Variants in AKR1D1 observed in about 807,000 individuals in gnomAD.
The protein encoded by AKR1D1 is aldo-keto reductase family 1 member D1, also known as delta(4)-3-ketosteroid 5-beta-reductase.
In AKR1D1, 32 loss-of-function variants were observed where a neutral mutation model predicts 42.6. The ratio of observed to expected loss-of-function variants is 0.75; its 90% CI spans 0.57 to 1.01. The LOEUF (loss-of-function observed/expected upper bound fraction) is 1.01. Among genes scored for constraint, AKR1D1 ranks in the 50% least tolerant of loss-of-function variants. The pLI is 0.00. For missense variants in AKR1D1, 364 were observed against 402.2 expected, an observed-to-expected ratio of 0.91 and a Z score of 0.81; for synonymous variants, 123 against 135.5, an observed-to-expected ratio of 0.91 and a Z score of 0.64.
chr7:138,107,658 A>G, intron 7 of AKR1D1, 78 bp downstream of exon 7: 5 of 1,486,554 alleles, frequency 3.4e-6, no homozygotes, highest in Non-Finnish European at 4.7e-6. Flanking sequence ...GTTCAGCTTA[A>G]TAGGAAACCT....
rs752879811 is a variant in AKR1D1 at position 138,088,605 on chromosome 7, C to G, written c.98C>G (p.Pro33Arg). 3 of 1,614,148 alleles carry G rather than the reference C, an allele frequency of 1.9e-6. No individual in the cohort carries two copies. In the East Asian group the frequency reaches 6.7e-5, roughly 36 times the overall value. The change falls in exon 2 of 9, where the codon CCT (proline) becomes CGT (arginine). Residue 33 changes from proline to arginine, a missense_variant. Pro to Arg is a moderately radical substitution (Grantham distance 103). Transcript: ENST00000242375. ...LGTYSEPKST[P>R]KGACATSVKV... is the part of the protein sequence containing the mutation. Reference sequence around the variant, plus strand: ...CCAACCTCTTTGTCACTTCAGACCCCTAAGGGAGCCTGTGCAACATCGGTG... The same window carrying G: ...CCAACCTCTTTGTCACTTCAGACCCGTAAGGGAGCCTGTGCAACATCGGTG...
chr7:138,107,729 T>A (rs1025655482), intron 7 of AKR1D1, 149 bp downstream of exon 7: 2 of 795,904 alleles, frequency 2.5e-6, no homozygotes, highest in African/African-American at 3.5e-5. Flanking sequence ...ATATCTAGGT[T>A]TAATTTTCAT....
intron 1 of AKR1D1, among the ~76,000 whole-genome samples, chr7:138,080,161 A>C (rs1803023422): frequency 6.6e-6 from 1 of 152,142 alleles, no homozygotes; most frequent in African/African-American, 2.4e-5. Context: ...CTTCCTTCTT[A>C]ATGCTTTTCC....
At chr7:138,077,340 G>C (rs1218555268) in intron 1 of AKR1D1, among the ~76,000 whole-genome samples, 1 of 152,174 alleles carries the variant, frequency 6.6e-6, no homozygotes, top group Non-Finnish European at 1.5e-5. Flanking sequence ...GCAAGGAGAA[G>C]TGCTGAGCCA....
At chr7:138,081,768 G>A (rs1417705371) in intron 1 of AKR1D1, among the ~76,000 whole-genome samples, 1 of 151,976 alleles carries the variant, frequency 6.6e-6, no homozygotes, top group African/African-American at 2.4e-5. Context: ...TTTTAGTAGA[G>A]ACGGGGTTTC....
intron 7 of AKR1D1, among the ~76,000 whole-genome samples, chr7:138,112,545 A>C (rs1476041131): frequency 6.6e-6 from 1 of 152,154 alleles, no homozygotes. Flanking sequence ...TGGTCCAATT[A>C]CTGCATTTTC....
chr7:138,089,306 A>C (rs1794013999), intron 2 of AKR1D1, among the ~76,000 whole-genome samples: 1 of 151,988 alleles, frequency 6.6e-6, no homozygotes, highest in African/African-American at 2.4e-5. Context: ...AGTCATGTTC[A>C]TATCACTGCA....
intron 5 of AKR1D1, 62 bp downstream of exon 5, chr7:138,105,491 G>T: frequency 6.2e-7 from 1 of 1,608,548 alleles, no homozygotes; most frequent in Non-Finnish European, 8.5e-7. Context: ...ATGACACAAA[G>T]AAGCCTCAGC....
chr7:138,086,531 T>C (rs73732237), intron 1 of AKR1D1, among the ~76,000 whole-genome samples: 2,842 of 152,308 alleles, frequency 0.019, 103 homozygotes, highest in African/African-American at 0.065. Flanking sequence ...ATTTTTCGTA[T>C]CCTCTTATCT....
chr7:138,101,221 C>CTTCCTT (rs1794310423), intron 4 of AKR1D1, among the ~76,000 whole-genome samples: 1 of 114,354 alleles, frequency 8.7e-6, no homozygotes, highest in African/African-American at 3.4e-5. Flanking sequence ...TCCTTCCTTC[C>CTTCCTT]ACGAGTCTCG....
intron 7 of AKR1D1, among the ~76,000 whole-genome samples, chr7:138,110,563 G>A (rs1427281915): frequency 2.6e-5 from 4 of 151,988 alleles, no homozygotes; most frequent in Non-Finnish European, 5.9e-5. Context: ...GACCATCTTG[G>A]CCAACATGGC....
chr7:138,102,748 G>T (rs1221064745), intron 4 of AKR1D1, among the ~76,000 whole-genome samples: 1 of 152,130 alleles, frequency 6.6e-6, no homozygotes, highest in African/African-American at 2.4e-5. Flanking sequence ...AAATGCCAAC[G>T]CAATTCAATG....
intron 2 of AKR1D1, among the ~76,000 whole-genome samples, chr7:138,091,054 T>C (rs1480408658): frequency 6.6e-6 from 1 of 152,216 alleles, no homozygotes; most frequent in Non-Finnish European, 1.5e-5. Flanking sequence ...AGTATCACGC[T>C]AGGTCAGGAC....
chr7:138,106,248 T>G (rs1794429837), intron 5 of AKR1D1, among the ~76,000 whole-genome samples: 1 of 152,224 alleles, frequency 6.6e-6, no homozygotes, highest in Non-Finnish European at 1.5e-5. Context: ...CCTTTATTTC[T>G]GCAATCTATG....
intron 1 of AKR1D1, among the ~76,000 whole-genome samples, chr7:138,082,049 G>A (rs998453620): frequency 2.6e-5 from 4 of 152,198 alleles, no homozygotes; most frequent in African/African-American, 7.2e-5. Flanking sequence ...CCTGGAGCAC[G>A]TGTTCCAAGG....
intron 6 of AKR1D1, chr7:138,107,115 T>G (rs779364530): frequency 1.6e-5 from 9 of 572,196 alleles, no homozygotes; most frequent in African/African-American, 3.7e-5. Context: ...TGTCTCTATT[T>G]CTTCCACTTC....
Position 138,094,898 on chromosome 7 carries a change from TTAAG to T in AKR1D1, c.379-2966_379-2963del, listed in dbSNP as rs541839661. Among the ~76,000 whole-genome samples, 7 of 152,336 alleles carry T rather than the reference TTAAG, an allele frequency of 4.6e-5. No homozygotes were observed. The South Asian group carries it at 8.3e-4, about 18-fold the overall frequency. The stretch of plus-strand genomic sequence containing the variant: ...AATATTTTTAGCACTTTATTATTTT[TTAAG>T]TGTCAAGCAGACAGAATTTTAGCCA... On this transcript the variant is annotated intron_variant, in intron 3 of 8. Coordinates refer to ENST00000242375, the MANE Select transcript of AKR1D1 (RefSeq NM_005989.4).
At chr7:138,103,321 A>G in intron 4 of AKR1D1, among the ~76,000 whole-genome samples, 1 of 152,164 alleles carries the variant, frequency 6.6e-6, no homozygotes, top group East Asian at 1.9e-4. Context: ...ATAAAAGGAA[A>G]ATGAACCCAT....
At chr7:138,086,001 A>G (rs1035990322) in intron 1 of AKR1D1, among the ~76,000 whole-genome samples, 2 of 151,894 alleles carry the variant, frequency 1.3e-5, no homozygotes, top group Non-Finnish European at 2.9e-5. Flanking sequence ...CTTGAGCCCA[A>G]GAGTTTGAGA....
Sources: allele counts gnomAD v4.1 joint callset (sites outside exome capture counted in the v4.1 genomes callset), GRCh38; gene constraint gnomAD v4.1.1; transcripts MANE v1.5; gene names NCBI Gene and HGNC (gene_info 2026-07-23, HGNC 2026-07-21).